Variants in TBC1D22A observed in about 807,000 individuals in gnomAD.
TBC1D22A encodes TBC1 domain family member 22A, also known as putative GTPase activator.
A neutral mutation model predicts 60.2 loss-of-function variants in TBC1D22A; 38 were observed. The ratio of observed to expected loss-of-function variants is 0.63; its 90% CI spans 0.49 to 0.83. The LOEUF is 0.83. Ranked by LOEUF, TBC1D22A falls within the 40% of genes least tolerant of loss-of-function variation. TBC1D22A has a pLI of 0.00. For missense variants in TBC1D22A, 628 were observed against 701.0 expected (o/e 0.90, Z 1.18); for synonymous variants, 302 against 281.7 (o/e 1.07, Z -0.72).
At chr22:46,886,350 C>T (rs1042126333) in intron 5 of TBC1D22A, among the ~76,000 whole-genome samples, 9 of 152,214 alleles carry the variant, frequency 5.9e-5, no homozygotes, top group Admixed American at 3.3e-4. Context: ...ATCTTGGCAG[C>T]TAGGCTGTTC....
chr22:47,173,878 A>G lies in TBC1D22A; in HGVS notation c.*252A>G. 2 of 465,718 alleles carry G rather than the reference A, an allele frequency of 4.3e-6. No individual in the cohort carries two copies. The highest frequency in any genetic ancestry group is 7.7e-6 in the Non-Finnish European group (2 of 261,352). The allele number at this position is 465,718 out of a possible 1,614,324, so 28.8% of individuals were successfully genotyped here. A position where few individuals can be genotyped will look rare whatever the true frequency, so the allele number is the denominator to read the frequency against. ...CGGGTTCGGCGGCCAGAGGCAGGTC[A>G]GGGGTCCCCTCTCCCTCTCCCTGCA... On this transcript the variant is annotated 3_prime_UTR_variant, in exon 13 of 13. Transcript: ENST00000337137.
intron 9 of TBC1D22A, among the ~76,000 whole-genome samples, chr22:46,992,549 G>A (rs938945700): frequency 1.3e-5 from 2 of 152,262 alleles, no homozygotes; most frequent in African/African-American, 4.8e-5. Flanking sequence ...GACCGGCCTT[G>A]CAAGCAGGAC....
chr22:46,878,824 C>A, intron 5 of TBC1D22A, 101 bp downstream of exon 5: 1 of 1,142,110 alleles, frequency 8.8e-7, no homozygotes, highest in Non-Finnish European at 1.3e-6. Context: ...CACGGGTTTG[C>A]CTTGGCTTTG....
intron 12 of TBC1D22A, among the ~76,000 whole-genome samples, chr22:47,121,975 A>G (rs1025281042): frequency 6.6e-6 from 1 of 152,270 alleles, no homozygotes; most frequent in South Asian, 2.1e-4. Context: ...GTGTCCTGCC[A>G]TGTCCATCCC....
At chr22:46,960,990 G>T (rs116234197) in intron 8 of TBC1D22A, among the ~76,000 whole-genome samples, 2,394 of 140,400 alleles carry the variant, frequency 0.017, 61 homozygotes, top group African/African-American at 0.061. Flanking sequence ...TACCCAGTCC[G>T]TAGCTAAGAG....
chr22:46,869,766 A>G (rs183066257), intron 4 of TBC1D22A, among the ~76,000 whole-genome samples: 1 of 152,348 alleles, frequency 6.6e-6, no homozygotes, highest in East Asian at 1.9e-4. Flanking sequence ...TATTATTACA[A>G]AAGGTTTTAA....
At chr22:46,919,130 A>G (rs1475707830) in intron 8 of TBC1D22A, among the ~76,000 whole-genome samples, 4 of 152,202 alleles carry the variant, frequency 2.6e-5, no homozygotes, top group Admixed American at 6.5e-5. Flanking sequence ...AAGAAATCCT[A>G]TACTCATTGG....
intron 10 of TBC1D22A, among the ~76,000 whole-genome samples, chr22:47,020,350 G>A (rs1052147600): frequency 1.3e-5 from 2 of 152,184 alleles, no homozygotes; most frequent in Admixed American, 6.5e-5. Flanking sequence ...CGTCGGGAGA[G>A]AGGGACTCTA....
intron 11 of TBC1D22A, among the ~76,000 whole-genome samples, chr22:47,052,149 C>T (rs1417127068): frequency 6.6e-6 from 1 of 152,236 alleles, no homozygotes; most frequent in African/African-American, 2.4e-5. Context: ...CAGCAGACAG[C>T]ACAGGGAAGC....
intron 4 of TBC1D22A, among the ~76,000 whole-genome samples, chr22:46,797,826 A>G (rs1179386212): frequency 6.6e-6 from 1 of 152,178 alleles, no homozygotes; most frequent in African/African-American, 2.4e-5. Flanking sequence ...AGTTTTGTTA[A>G]TGTTTTTCCC....
At chr22:46,949,686 G>T (rs749269911) in intron 8 of TBC1D22A, among the ~76,000 whole-genome samples, 2 of 152,228 alleles carry the variant, frequency 1.3e-5, no homozygotes, top group Non-Finnish European at 2.9e-5. Flanking sequence ...CTTTTGGTGG[G>T]GAGAGAGAAA....
At chr22:46,903,159 A>T (rs1297373072) in intron 7 of TBC1D22A, among the ~76,000 whole-genome samples, 1 of 151,688 alleles carries the variant, frequency 6.6e-6, no homozygotes, top group Non-Finnish European at 1.5e-5. Context: ...ACCCAGCCTC[A>T]CGCCCTGCAG....
chr22:46,963,992 C>T (rs1460601396), intron 8 of TBC1D22A, among the ~76,000 whole-genome samples: 2 of 152,238 alleles, frequency 1.3e-5, no homozygotes, highest in Non-Finnish European at 2.9e-5. Context: ...GAGATGTTCA[C>T]TTGTGATAAC....
At chr22:47,166,612 T>A (rs1255074123) in intron 12 of TBC1D22A, among the ~76,000 whole-genome samples, 1 of 152,368 alleles carries the variant, frequency 6.6e-6, no homozygotes, top group Admixed American at 6.5e-5. Flanking sequence ...GGACACTGTC[T>A]CTTTTCTTGT....
chr22:47,147,635 C>T (rs114304398), intron 12 of TBC1D22A, among the ~76,000 whole-genome samples: 362 of 152,356 alleles, frequency 2.4e-3, no homozygotes, highest in African/African-American at 8.1e-3. Context: ...ATACGTTGGT[C>T]GCACACAGAG....
intron 4 of TBC1D22A, among the ~76,000 whole-genome samples, chr22:46,850,053 T>G (rs527708905): frequency 6.6e-6 from 1 of 152,346 alleles, no homozygotes; most frequent in East Asian, 1.9e-4. Flanking sequence ...ACATAGCCCT[T>G]CTTTCCTGGG....
rs146795567 is a variant in TBC1D22A at position 46,802,405 on chromosome 22, G to A, written c.637+4785G>A. On this transcript the variant is annotated intron_variant, in intron 4 of 12. Transcript: ENST00000337137. ...CTGTTTCTGGGGCGAGATCTGCACG[G>A]AGTCAGGTATTTGAAGAGGGGGCAT... is the stretch of plus-strand genomic sequence containing the variant. Among the ~76,000 whole-genome samples the A allele has an allele frequency of 7.3e-3, 1,112 of 152,366 alleles. 3 individuals are homozygous for A. The highest frequency in any genetic ancestry group is 0.013 in the Non-Finnish European group (880 of 68,032).
chr22:46,984,490 A>G (rs1296471713), intron 9 of TBC1D22A, among the ~76,000 whole-genome samples: 1 of 150,346 alleles, frequency 6.7e-6, no homozygotes, highest in Non-Finnish European at 1.5e-5. Context: ...TTTCACTAAC[A>G]GCACTCATGC....
chr22:47,155,938 G>A (rs895697776), intron 12 of TBC1D22A, among the ~76,000 whole-genome samples: 1 of 152,244 alleles, frequency 6.6e-6, no homozygotes, highest in Admixed American at 6.5e-5. Context: ...CTTTTCATAG[G>A]CAGTTTTCCT....
Sources: allele counts gnomAD v4.1 joint callset (sites outside exome capture counted in the v4.1 genomes callset), GRCh38; gene constraint gnomAD v4.1.1; transcripts MANE v1.5; gene names NCBI Gene and HGNC (gene_info 2026-07-23, HGNC 2026-07-21).